The following NDST4 variants were observed in gnomAD, a reference collection of about 807,000 sequenced individuals.
NDST4 encodes the protein N-deacetylase and N-sulfotransferase 4.
In NDST4, 63 loss-of-function variants were observed where a neutral mutation model predicts 100.8. The ratio of observed to expected loss-of-function variants is 0.62; its 90% CI spans 0.51 to 0.77. The LOEUF is 0.77. NDST4 is among the 30% of genes least tolerant of loss of function. The probability of loss-of-function intolerance (pLI) is 0.00; values close to 1 mark genes in which losing one functional copy is unlikely to be tolerated. For missense variants in NDST4, 943 were observed against 1,018.4 expected, an observed-to-expected ratio of 0.93 and a Z score of 1.01; for synonymous variants, 377 against 361.8, an observed-to-expected ratio of 1.04 and a Z score of -0.48.
At chr4:114,866,275 C>G (rs1185361218) in intron 7 of NDST4, among the ~76,000 whole-genome samples, 1 of 152,178 alleles carries the variant, frequency 6.6e-6, no homozygotes, top group Admixed American at 6.5e-5. Context: ...GATTATTTTC[C>G]TATCTTCAGC....
chr4:115,073,600 T>C (rs1459445014), intron 2 of NDST4, among the ~76,000 whole-genome samples: 2 of 151,698 alleles, frequency 1.3e-5, no homozygotes, highest in East Asian at 1.9e-4. Flanking sequence ...TTTTATGGAG[T>C]CTAAAAAATT....
chr4:114,969,529 A>T (rs1228676718), intron 4 of NDST4, among the ~76,000 whole-genome samples: 1 of 152,034 alleles, frequency 6.6e-6, no homozygotes, highest in Non-Finnish European at 1.5e-5. Flanking sequence ...ATGTGTACTC[A>T]GTGTTTAGCT....
At chr4:114,969,010 G>A (rs753757195) in intron 4 of NDST4, among the ~76,000 whole-genome samples, 5 of 152,068 alleles carry the variant, frequency 3.3e-5, no homozygotes, top group Non-Finnish European at 5.9e-5. Context: ...AAATATGAGA[G>A]CCACTGGTCT....
At chr4:115,096,496 C>T (rs983125508) in intron 1 of NDST4, among the ~76,000 whole-genome samples, 2 of 151,978 alleles carry the variant, frequency 1.3e-5, no homozygotes, top group African/African-American at 2.4e-5. Context: ...CAGTAGCAAG[C>T]AGACAAGGAT....
At chr4:114,984,340 G>A (rs1351051717) in intron 2 of NDST4, among the ~76,000 whole-genome samples, 2 of 151,812 alleles carry the variant, frequency 1.3e-5, no homozygotes, top group African/African-American at 2.4e-5. Flanking sequence ...CACCATGCCA[G>A]GATAATTTTT....
At chr4:114,965,376 ATT>A (rs1298335406) in intron 4 of NDST4, among the ~76,000 whole-genome samples, 1 of 152,020 alleles carries the variant, frequency 6.6e-6, no homozygotes, top group African/African-American at 2.4e-5. Flanking sequence ...ACACTTAAGG[ATT>A]TTCCATAGTG....
chr4:114,834,022 G>T (rs2126180821), intron 11 of NDST4, among the ~76,000 whole-genome samples: 1 of 152,244 alleles, frequency 6.6e-6, no homozygotes, highest in South Asian at 2.1e-4. Context: ...TTTTCCATTT[G>T]TTGTGTGATC....
At chr4:114,907,543 A>G (rs1724978178) in intron 6 of NDST4, among the ~76,000 whole-genome samples, 2 of 152,192 alleles carry the variant, frequency 1.3e-5, no homozygotes. Flanking sequence ...TATAAGCAAT[A>G]AGCCACATTG....
chr4:115,101,882 G>A (rs187484216), intron 1 of NDST4, among the ~76,000 whole-genome samples: 37 of 152,220 alleles, frequency 2.4e-4, no homozygotes, highest in African/African-American at 7.9e-4. Flanking sequence ...ATGGACTGAC[G>A]TCATTAGGAG....
chr4:114,831,550 A>T (rs1723201555), intron 12 of NDST4, among the ~76,000 whole-genome samples: 1 of 152,156 alleles, frequency 6.6e-6, no homozygotes, highest in South Asian at 2.1e-4. Flanking sequence ...CCTGGCAGCA[A>T]AGTCAACATA....
chr4:114,928,376 G>A (rs902564580), intron 6 of NDST4, among the ~76,000 whole-genome samples: 2 of 152,096 alleles, frequency 1.3e-5, no homozygotes, highest in African/African-American at 4.8e-5. Flanking sequence ...ACATTAGTGA[G>A]GTAAATATTA....
At chr4:115,086,597 G>A (rs770259404) in intron 1 of NDST4, among the ~76,000 whole-genome samples, 2 of 151,836 alleles carry the variant, frequency 1.3e-5, no homozygotes, top group Non-Finnish European at 2.9e-5. Flanking sequence ...ATTATACTAG[G>A]TTCATAGCTC....
intron 6 of NDST4, among the ~76,000 whole-genome samples, chr4:114,898,262 A>AT (rs1560801637): frequency 6.6e-6 from 1 of 152,076 alleles, no homozygotes; most frequent in Non-Finnish European, 1.5e-5. Flanking sequence ...AGATTTATTT[A>AT]TTTTTTTATT....
chr4:115,035,473 C>T (rs923142805), intron 2 of NDST4, among the ~76,000 whole-genome samples: 3 of 151,792 alleles, frequency 2.0e-5, no homozygotes, highest in African/African-American at 7.3e-5. Flanking sequence ...CTATGAATGG[C>T]AGAGGTTTTA....
chr4:114,912,381 T>C (rs774801352), intron 6 of NDST4, among the ~76,000 whole-genome samples: 2 of 152,142 alleles, frequency 1.3e-5, no homozygotes, highest in Non-Finnish European at 2.9e-5. Context: ...GGTGTTCAAA[T>C]ACCTGGAGGA....
At chr4:115,052,661 G>A (rs907042962) in intron 2 of NDST4, among the ~76,000 whole-genome samples, 1 of 152,136 alleles carries the variant, frequency 6.6e-6, no homozygotes, top group Non-Finnish European at 1.5e-5. Flanking sequence ...TGATTGTGAG[G>A]CCTCCCTAGC....
intron 2 of NDST4, among the ~76,000 whole-genome samples, chr4:115,030,471 T>A (rs1370217365): frequency 6.6e-6 from 1 of 152,120 alleles, no homozygotes; most frequent in Admixed American, 6.6e-5. Context: ...CTTTGTAATG[T>A]CATCTTGACA....
intron 1 of NDST4, among the ~76,000 whole-genome samples, chr4:115,098,124 C>G (rs1729657352): frequency 6.6e-6 from 1 of 152,102 alleles, no homozygotes; most frequent in Admixed American, 6.6e-5. Context: ...TTGTCTATCA[C>G]TCCAATTAAA....
intron 1 of NDST4, among the ~76,000 whole-genome samples, chr4:115,107,895 C>T (rs912545355): frequency 2.6e-5 from 4 of 152,060 alleles, no homozygotes; most frequent in African/African-American, 7.2e-5. Flanking sequence ...TGAGTTCAAC[C>T]TCGATTGATC....
Sources: gnomAD v4.1 joint callset for allele counts (sites outside exome capture counted in the v4.1 genomes callset) on GRCh38, gnomAD v4.1.1 for gene constraint, MANE v1.5 for transcripts, NCBI Gene and HGNC (gene_info 2026-07-23, HGNC 2026-07-21) for gene names.